The following CCSER1 variants were observed in gnomAD, a reference collection of about 807,000 sequenced individuals.
CCSER1 encodes serine-rich coiled-coil domain-containing protein 1.
A neutral mutation model predicts 82.0 loss-of-function variants in CCSER1; 41 were observed. The ratio of observed to expected loss-of-function variants is 0.50; its 90% CI spans 0.39 to 0.65. The LOEUF (loss-of-function observed/expected upper bound fraction) is 0.65, where lower values mean the gene tolerates loss of function less well. Ranked by LOEUF, CCSER1 falls within the 30% of genes least tolerant of loss-of-function variation. The pLI, the probability that CCSER1 is intolerant of heterozygous loss-of-function variation, is 0.00. For missense variants in CCSER1, 1,119 were observed against 1,064.2 expected (o/e 1.05, Z -0.72); for synonymous variants, 414 against 383.9 (o/e 1.08, Z -0.92).
chr4:90,906,360 T>C (rs1193085696), intron 8 of CCSER1, among the ~76,000 whole-genome samples: 1 of 152,154 alleles, frequency 6.6e-6, no homozygotes, highest in Non-Finnish European at 1.5e-5. Context: ...ATGACATCAA[T>C]TGTTTTCTAG....
At chr4:91,103,950 A>G (rs919648871) in intron 10 of CCSER1, among the ~76,000 whole-genome samples, 13 of 152,122 alleles carry the variant, frequency 8.5e-5, no homozygotes, top group Admixed American at 6.5e-5. Context: ...CTAGCAAGGA[A>G]TATTAATATT....
In CCSER1 at chr4:91,604,903, T is replaced by C. The variant is rs1764909499; in HGVS notation, c.*5846T>C. ...TAAGACGTAATCCTGTCATGAGTTCTCTCTTCCAAAAAAGAATGCAAGAGA... is the reference window on the plus strand; with the variant it reads ...TAAGACGTAATCCTGTCATGAGTTCCCTCTTCCAAAAAAGAATGCAAGAGA... On this transcript the variant is annotated 3_prime_UTR_variant, in exon 11 of 11. Transcript: ENST00000509176. 6.6e-6 allele frequency: 1 copy of C among 151,938 alleles called. No individual in the cohort carries two copies. Among genetic ancestry groups the C allele is most frequent in the East Asian group, 1.9e-4 (1 of 5,178 alleles). 9.4% of individuals were successfully genotyped at this position (151,938 alleles called of 1,614,324 possible). A position where few individuals can be genotyped will look rare whatever the true frequency, so the allele number is the denominator to read the frequency against.
intron 9 of CCSER1, among the ~76,000 whole-genome samples, chr4:90,955,300 C>A (rs1035683346): frequency 1.5e-4 from 23 of 152,154 alleles, no homozygotes; most frequent in African/African-American, 5.5e-4. Flanking sequence ...GGGAGTGCTA[C>A]ACTTGTGTTG....
At chr4:91,380,847 T>G (rs1750830334) in intron 10 of CCSER1, among the ~76,000 whole-genome samples, 3 of 152,156 alleles carry the variant, frequency 2.0e-5, no homozygotes, top group Non-Finnish European at 4.4e-5. Flanking sequence ...AGCATGAATG[T>G]TCTTTACAAT....
chr4:90,351,172 A>C (rs1381137036), intron 3 of CCSER1, among the ~76,000 whole-genome samples: 1 of 152,208 alleles, frequency 6.6e-6, no homozygotes, highest in Non-Finnish European at 1.5e-5. Context: ...GTACTAGTGC[A>C]CATACAGTCA....
At chr4:91,316,028 T>A (rs778439995) in intron 10 of CCSER1, among the ~76,000 whole-genome samples, 1 of 151,950 alleles carries the variant, frequency 6.6e-6, no homozygotes, top group Non-Finnish European at 1.5e-5. Context: ...AATGAATAAG[T>A]CTCATGAGAT....
chr4:91,538,840 G>C (rs1337699192), intron 10 of CCSER1, among the ~76,000 whole-genome samples: 3 of 151,580 alleles, frequency 2.0e-5, no homozygotes, highest in South Asian at 2.1e-4. Context: ...ATCAGGGAAG[G>C]CTGATGCAAA....
chr4:91,400,100 T>A (rs902587770), intron 10 of CCSER1, among the ~76,000 whole-genome samples: 1 of 152,018 alleles, frequency 6.6e-6, no homozygotes, highest in Non-Finnish European at 1.5e-5. Flanking sequence ...AAATTTCTGT[T>A]TCACTAAGAC....
At chr4:90,279,233 T>A (rs1021726028) in intron 1 of CCSER1, among the ~76,000 whole-genome samples, 1 of 152,058 alleles carries the variant, frequency 6.6e-6, no homozygotes, top group African/African-American at 2.4e-5. Flanking sequence ...TATACAGATA[T>A]ACGGACACTT....
At chr4:90,536,281 G>T (rs892959981) in intron 5 of CCSER1, among the ~76,000 whole-genome samples, 2 of 152,028 alleles carry the variant, frequency 1.3e-5, no homozygotes, top group African/African-American at 4.8e-5. Context: ...TGATGCGCCC[G>T]CCTCGGCCTC....
intron 10 of CCSER1, among the ~76,000 whole-genome samples, chr4:91,305,422 A>G (rs1371087138): frequency 6.6e-6 from 1 of 152,078 alleles, no homozygotes; most frequent in African/African-American, 2.4e-5. Flanking sequence ...TAAAATATGT[A>G]TCTTTGCATG....
chr4:90,197,802 G>C (rs901697778), intron 1 of CCSER1, among the ~76,000 whole-genome samples: 1 of 151,886 alleles, frequency 6.6e-6, no homozygotes, highest in African/African-American at 2.4e-5. Flanking sequence ...TGGGAGGTGG[G>C]TGGAGGTGGG....
At chr4:90,370,894 G>T (rs145677658) in intron 3 of CCSER1, among the ~76,000 whole-genome samples, 2 of 151,642 alleles carry the variant, frequency 1.3e-5, no homozygotes, top group Non-Finnish European at 2.9e-5. Context: ...TTTAACTTTG[G>T]CCATGAATTA....
chr4:90,987,606 AG>A (rs1736677066), intron 9 of CCSER1, among the ~76,000 whole-genome samples: 1 of 151,714 alleles, frequency 6.6e-6, no homozygotes, highest in African/African-American at 2.4e-5. Context: ...ATAATTTAGG[AG>A]GAAAAAAAAT....
chr4:91,497,657 G>A (rs1758996471), intron 10 of CCSER1, among the ~76,000 whole-genome samples: 1 of 151,710 alleles, frequency 6.6e-6, no homozygotes, highest in Non-Finnish European at 1.5e-5. Flanking sequence ...TTTAAAGCTA[G>A]AGATAAGGAA....
At chr4:90,500,627 G>A (rs547615410) in intron 5 of CCSER1, among the ~76,000 whole-genome samples, 20 of 152,000 alleles carry the variant, frequency 1.3e-4, no homozygotes, top group African/African-American at 4.3e-4. Flanking sequence ...CACTGCTCCC[G>A]GCCCACATCT....
intron 10 of CCSER1, among the ~76,000 whole-genome samples, chr4:91,482,013 T>C (rs1004194732): frequency 6.6e-6 from 1 of 151,994 alleles, no homozygotes; most frequent in Non-Finnish European, 1.5e-5. Context: ...AGCAGACACA[T>C]GAAAAAATGC....
At chr4:91,002,067 G>C (rs1272297941) in intron 9 of CCSER1, among the ~76,000 whole-genome samples, 1 of 152,170 alleles carries the variant, frequency 6.6e-6, no homozygotes, top group African/African-American at 2.4e-5. Context: ...GTTTAAAGAG[G>C]CTGAAGATAG....
At chr4:90,292,313 A>G (rs1731080112) in intron 1 of CCSER1, among the ~76,000 whole-genome samples, 1 of 151,964 alleles carries the variant, frequency 6.6e-6, no homozygotes, top group Non-Finnish European at 1.5e-5. Flanking sequence ...ATATGAGTAT[A>G]TATGTGTGTA....
Sources: gnomAD v4.1 joint callset for allele counts (sites outside exome capture counted in the v4.1 genomes callset) on GRCh38, gnomAD v4.1.1 for gene constraint, MANE v1.5 for transcripts, NCBI Gene and HGNC (gene_info 2026-07-23, HGNC 2026-07-21) for gene names.